RNF214: variants seen among roughly 807,000 people sequenced by gnomAD.
RNF214 encodes the protein ring finger protein 214.
Under a neutral mutation model 75.9 loss-of-function variants are expected in RNF214, and 25 were observed. That is an observed-to-expected ratio of 0.33 (90% CI 0.24 to 0.46). RNF214 has a LOEUF of 0.46. Ranked by LOEUF, RNF214 falls within the 20% of genes least tolerant of loss-of-function variation. The probability of loss-of-function intolerance (pLI) is 1.00; values close to 1 mark genes in which losing one functional copy is unlikely to be tolerated. For synonymous variants in RNF214, 314 were observed against 308.8 expected (o/e 1.02, Z -0.18); for missense variants, 725 against 857.5 (o/e 0.85, Z 1.93).
intron 3 of RNF214, chr11:117,239,566 G>A: frequency 1.9e-6 from 1 of 530,610 alleles, no homozygotes; most frequent in South Asian, 2.1e-5. Flanking sequence ...TCAGACTTGA[G>A]GCTTTCTCTC....
chr11:117,263,059 A>G (rs1202654871), intron 6 of RNF214, among the ~76,000 whole-genome samples: 2 of 150,908 alleles, frequency 1.3e-5, no homozygotes, highest in African/African-American at 4.9e-5. Flanking sequence ...CACTTGCCTC[A>G]GCCTCCCAAA....
At chr11:117,253,667 C>T (rs919610781) in intron 6 of RNF214, among the ~76,000 whole-genome samples, 2 of 151,850 alleles carry the variant, frequency 1.3e-5, no homozygotes, top group African/African-American at 4.8e-5. Context: ...TATAGTGAGA[C>T]CTTATCTCTA....
At chr11:117,272,459 G>T (rs2033932354) in intron 6 of RNF214, among the ~76,000 whole-genome samples, 1 of 152,128 alleles carries the variant, frequency 6.6e-6, no homozygotes, top group South Asian at 2.1e-4. Flanking sequence ...GAAGAGGAGG[G>T]AGAGCATTAG....
intron 6 of RNF214, among the ~76,000 whole-genome samples, chr11:117,266,481 TC>T (rs2134400252): frequency 6.6e-6 from 1 of 152,208 alleles, no homozygotes; most frequent in South Asian, 2.1e-4. Flanking sequence ...CGCCTCAGCC[TC>T]CCAAGTAGCT....
At chr11:117,264,210 C>G (rs1330690378) in intron 6 of RNF214, among the ~76,000 whole-genome samples, 1 of 152,086 alleles carries the variant, frequency 6.6e-6, no homozygotes, top group Non-Finnish European at 1.5e-5. Flanking sequence ...GTGGTCCCAG[C>G]TATTTGGGAG....
chr11:117,252,714 G>A (rs991122531), intron 6 of RNF214, among the ~76,000 whole-genome samples: 1 of 151,830 alleles, frequency 6.6e-6, no homozygotes, highest in African/African-American at 2.4e-5. Context: ...TAGAGACGGG[G>A]TTTCACTGTG....
intron 6 of RNF214, among the ~76,000 whole-genome samples, chr11:117,274,356 CTTTTTTTTTT>C (rs11461326): frequency 7.5e-5 from 6 of 79,484 alleles, no homozygotes; most frequent in Non-Finnish European, 1.3e-4. Flanking sequence ...CAAATGACTT[CTTTTTTTTTT>C]TTTTTTTTTT....
chr11:117,256,098 T>A (rs1459781611), intron 6 of RNF214, among the ~76,000 whole-genome samples: 3 of 152,168 alleles, frequency 2.0e-5, no homozygotes, highest in African/African-American at 7.2e-5. Flanking sequence ...CTGTGCCACC[T>A]GCTCTAGAAA....
At chr11:117,234,140 C>T (rs2134348264) in intron 1 of RNF214, 127 bp from the exon 2 acceptor site, 2 of 693,702 alleles carry the variant, frequency 2.9e-6, no homozygotes, top group East Asian at 5.1e-5. Context: ...GTATTTTCTC[C>T]CGGAGCCCAG....
intron 6 of RNF214, among the ~76,000 whole-genome samples, chr11:117,249,194 G>C (rs923281017): frequency 3.3e-5 from 5 of 151,828 alleles, no homozygotes; most frequent in African/African-American, 1.2e-4. Flanking sequence ...CAAAGTGCTG[G>C]GATTACAGGT....
At chr11:117,281,766 G>A (rs996485217) in intron 10 of RNF214, 68 bp downstream of exon 10, 3 of 1,506,840 alleles carry the variant, frequency 2.0e-6, no homozygotes, top group Non-Finnish European at 2.8e-6. Context: ...TCTTCTGCGT[G>A]TTCTTTTTAT....
intron 2 of RNF214, among the ~76,000 whole-genome samples, chr11:117,234,997 A>C (rs1414915510): frequency 1.3e-5 from 2 of 152,240 alleles, no homozygotes; most frequent in African/African-American, 2.4e-5. Flanking sequence ...AAAGTGGTGT[A>C]GTATTTGCAT....
At chr11:117,262,796 A>G (rs1330070159) in intron 6 of RNF214, among the ~76,000 whole-genome samples, 2 of 151,088 alleles carry the variant, frequency 1.3e-5, no homozygotes. Context: ...AATCTCTATG[A>G]TTATAGCTCT....
At chr11:117,258,652 A>G (rs1271309841) in intron 6 of RNF214, among the ~76,000 whole-genome samples, 1 of 152,146 alleles carries the variant, frequency 6.6e-6, no homozygotes, top group East Asian at 1.9e-4. Flanking sequence ...TCTTAAGGGA[A>G]CCATTCAGTG....
In RNF214 at chr11:117,239,074, G is replaced by A; in HGVS notation, c.581G>A (p.Ser194Asn). 1 of 1,613,678 alleles carries A rather than the reference G, an allele frequency of 6.2e-7. No individual in the cohort carries two copies. The highest frequency in any genetic ancestry group is 8.5e-7 in the Non-Finnish European group (1 of 1,179,854). Reference protein sequence around the residue: ...VRVDQDDDQDSSSLKLSQNIA... With the variant: ...VRVDQDDDQDNSSLKLSQNIA... ...GTGGATCAGGATGATGATCAAGATA[G>A]CTCTTCCCTGAAGCTTTCTCAGAAC... Residue 194 changes from serine to asparagine, a missense_variant, in exon 3 of 15, where the codon AGC (serine) becomes AAC (asparagine). Around this residue, in one of 2 missense-constraint regions of RNF214, gnomAD observed 362 missense variants for 344.5 expected, o/e 1.05. Coordinates refer to ENST00000300650, the MANE Select transcript of RNF214 (RefSeq NM_207343.4).
intron 6 of RNF214, among the ~76,000 whole-genome samples, chr11:117,252,721 T>C (rs567502063): frequency 1.2e-4 from 18 of 152,050 alleles, no homozygotes; most frequent in South Asian, 6.2e-4. Context: ...GGGGTTTCAC[T>C]GTGTTAGCCA....
chr11:117,272,040 C>A (rs1399339684), intron 6 of RNF214, among the ~76,000 whole-genome samples: 1 of 152,128 alleles, frequency 6.6e-6, no homozygotes, highest in Non-Finnish European at 1.5e-5. Context: ...TCTTGAACTC[C>A]TGGGCTCAAG....
intron 6 of RNF214, among the ~76,000 whole-genome samples, chr11:117,258,277 C>T (rs2033573073): frequency 6.6e-6 from 1 of 152,030 alleles, no homozygotes; most frequent in Non-Finnish European, 1.5e-5. Context: ...CCATGTTGGC[C>T]AGGATGGTCT....
At chr11:117,280,060 C>G in intron 7 of RNF214, 56 bp downstream of exon 7, 1 of 1,520,730 alleles carries the variant, frequency 6.6e-7, no homozygotes, top group East Asian at 2.3e-5. Context: ...CAGATGGTAT[C>G]TACTTTTGGC....
Sources: allele counts gnomAD v4.1 joint callset (sites outside exome capture counted in the v4.1 genomes callset), GRCh38; gene constraint gnomAD v4.1.1; regional missense constraint gnomAD v4.1.1; transcripts MANE v1.5; gene names NCBI Gene and HGNC (gene_info 2026-07-23, HGNC 2026-07-21).